TTLL13: variants seen among roughly 807,000 people sequenced by gnomAD.
TTLL13 encodes the protein tubulin polyglutamylase TTLL13.
the TTLL13 span, chr15:90,265,476 T>C: frequency 7.2e-7 from 1 of 1,379,770 alleles, no homozygotes. Context: ...TATGCAGTTT[T>C]CCAGGAGCGT....
chr15:90,256,590 TTTCTTTCTTTCTTTCTTTCCTTCC>T, the TTLL13 span, among the ~76,000 whole-genome samples: 66 of 33,356 alleles, frequency 2.0e-3, no homozygotes, highest in Non-Finnish European at 3.2e-3. Context: ...TCTTTCTTTC[TTTCTTTCTTTCTTTCTTTCCTTCC>T]TTCCTTCCTT....
chr15:90,260,440 C>T, the TTLL13 span, among the ~76,000 whole-genome samples: 1 of 151,908 alleles, frequency 6.6e-6, no homozygotes, highest in Non-Finnish European at 1.5e-5. Flanking sequence ...GAGGTTATAG[C>T]GAACTGAGAC....
the TTLL13 span, chr15:90,251,527 C>A: frequency 6.2e-7 from 1 of 1,611,092 alleles, no homozygotes; most frequent in East Asian, 2.2e-5. Flanking sequence ...CCCACTCTTC[C>A]TGATTTATGC....
At chr15:90,250,441 G>A in the TTLL13 span, among the ~76,000 whole-genome samples, 1 of 152,250 alleles carries the variant, frequency 6.6e-6, no homozygotes, top group Admixed American at 6.5e-5. Flanking sequence ...CCACCCCCAT[G>A]CACCTCCACC....
the TTLL13 span, chr15:90,262,204 A>T: frequency 6.6e-7 from 1 of 1,522,866 alleles, no homozygotes; most frequent in Admixed American, 2.0e-5. Flanking sequence ...ACTTTGACCG[A>T]CATTCTCCTC....
the TTLL13 span, chr15:90,255,888 G>A: frequency 1.2e-6 from 2 of 1,614,072 alleles, no homozygotes; most frequent in Non-Finnish European, 1.7e-6. Context: ...CCCGCAGAGT[G>A]AGTGGGTCTG....
the TTLL13 span, chr15:90,262,250 T>C: frequency 1.4e-5 from 20 of 1,429,058 alleles, no homozygotes; most frequent in East Asian, 2.5e-5. Context: ...TGAAGCTGCA[T>C]TGCTTCCCAG....
At chr15:90,250,808 A>G in the TTLL13 span, 1 of 1,614,184 alleles carries the variant, frequency 6.2e-7, no homozygotes, top group Non-Finnish European at 8.5e-7. Flanking sequence ...TATGGCCACA[A>G]AAATTCCGAA....
the TTLL13 span, among the ~76,000 whole-genome samples, chr15:90,250,348 G>A: frequency 6.6e-6 from 1 of 152,130 alleles, no homozygotes; most frequent in Non-Finnish European, 1.5e-5. Flanking sequence ...ACTCCTGAAG[G>A]CACCCCTGTG....
the TTLL13 span, chr15:90,263,026 G>A: frequency 3.2e-5 from 49 of 1,536,144 alleles, no homozygotes; most frequent in African/African-American, 5.7e-4. Flanking sequence ...GGAGGAGCTG[G>A]AGCGGATGAA....
the TTLL13 span, among the ~76,000 whole-genome samples, chr15:90,252,043 C>CTTTTTTTTTTTTTTTTTTT: frequency 1.5e-5 from 2 of 133,474 alleles, no homozygotes; most frequent in African/African-American, 2.7e-5. Flanking sequence ...TCACCTAATT[C>CTTTTTTTTTTTTTTTTTTT]TTTTTTTTTT....
At chr15:90,264,404 C>A in the TTLL13 span, among the ~76,000 whole-genome samples, 1 of 152,156 alleles carries the variant, frequency 6.6e-6, no homozygotes, top group Admixed American at 6.5e-5. Flanking sequence ...TGGTCTTGAA[C>A]TCCTGATCCA....
chr15:90,263,977 G>A, the TTLL13 span: 1 of 1,536,058 alleles, frequency 6.5e-7, no homozygotes, highest in Non-Finnish European at 8.7e-7. Context: ...AGGAGAGCCG[G>A]CAGCCATCAA....
the TTLL13 span, chr15:90,262,423 C>T: frequency 4.3e-6 from 6 of 1,406,442 alleles, no homozygotes; most frequent in Non-Finnish European, 5.6e-6. Flanking sequence ...TTCCTCATCC[C>T]CATTTTTCCT....
chr15:90,253,544 G>A, the TTLL13 span, among the ~76,000 whole-genome samples: 4 of 152,184 alleles, frequency 2.6e-5, no homozygotes, highest in East Asian at 7.7e-4. Context: ...GGAGATTGTG[G>A]GTTTCTGGAA....
chr15:90,265,216 AAGCCTT>A, the TTLL13 span: 2 of 1,351,730 alleles, frequency 1.5e-6, no homozygotes, highest in Non-Finnish European at 1.9e-6. Flanking sequence ...TCTGCTCATC[AAGCCTT>A]AGCCTGGGTT....
the TTLL13 span, chr15:90,251,492 T>C: frequency 2.0e-6 from 3 of 1,490,302 alleles, no homozygotes; most frequent in Admixed American, 1.7e-5. Context: ...TGGATGTCTT[T>C]TCATCTGAGT....
the TTLL13 span, chr15:90,258,344 A>G: frequency 2.3e-6 from 3 of 1,306,838 alleles, no homozygotes; most frequent in South Asian, 1.2e-5. Flanking sequence ...GGACAGGGGT[A>G]CACTCAGGTG....
the TTLL13 span, among the ~76,000 whole-genome samples, chr15:90,250,280 C>T: frequency 6.6e-6 from 1 of 152,148 alleles, no homozygotes; most frequent in Non-Finnish European, 1.5e-5. Flanking sequence ...TCACAGCCAT[C>T]CTCTTTCCCA....
Sources: gnomAD v4.1 joint callset for allele counts (sites outside exome capture counted in the v4.1 genomes callset) on GRCh38, gnomAD v4.1.1 for gene constraint, MANE v1.5 for transcripts, NCBI Gene and HGNC (gene_info 2026-07-23, HGNC 2026-07-21) for gene names.